The following RAB3D variants were observed in gnomAD, a reference collection of about 807,000 sequenced individuals.
RAB3D encodes RAB3D, member RAS oncogene family.
Under a neutral mutation model 19.3 loss-of-function variants are expected in RAB3D, and 17 were observed. The ratio of observed to expected loss-of-function variants is 0.88; its 90% confidence interval spans 0.60 to 1.32. The LOEUF is 1.32. Among genes scored for constraint, RAB3D ranks in the 40% most tolerant of loss-of-function variants. The probability of loss-of-function intolerance (pLI) is 0.00; values close to 1 mark genes in which losing one functional copy is unlikely to be tolerated. For missense variants in RAB3D, 223 were observed against 299.1 expected (o/e 0.75, Z 1.88); for synonymous variants, 103 against 119.9 (o/e 0.86, Z 0.92).
intron 4 of RAB3D, among the ~76,000 whole-genome samples, chr19:11,325,936 G>A (rs1249333258): frequency 6.6e-6 from 1 of 151,914 alleles, no homozygotes; most frequent in African/African-American, 2.4e-5. Context: ...AAAGTAGATG[G>A]GCGGCCAGGT....
At position 11,325,342 on chromosome 19, in the gene RAB3D, C is replaced by G. The variant is rs1021976766; in HGVS notation, c.*56G>C. 5.7e-6 allele frequency: 7 copies of G among 1,226,192 alleles called. No individual in the cohort carries two copies. The highest frequency in any genetic ancestry group is 7.9e-6 in the Non-Finnish European group (7 of 885,272). The allele number at this position is 1,226,192 out of a possible 1,614,324, so 76.0% of individuals were successfully genotyped here. ...GAGATAACCACTGTGGCTCACGCCT[C>G]GATCACAGTCCCTGCCGAGGCAGGA... is the stretch of plus-strand genomic sequence containing the variant. On this transcript the variant is annotated 3_prime_UTR_variant, in exon 5 of 5. Transcript: ENST00000222120.
rs1389182780 is a variant in RAB3D at position 11,324,313 on chromosome 19, GGGC to G, written c.*1082_*1084del. The G allele has an allele frequency of 6.6e-6, 1 of 151,864 alleles. No individual in the cohort carries two copies. The highest frequency in any genetic ancestry group is 1.5e-5 in the Non-Finnish European group (1 of 68,072). The allele number at this position is 151,864 out of a possible 1,614,324, so 9.4% of individuals were successfully genotyped here. ...CATTAGCAAAAATTGTCACATCCCT[GGGC>G]CCTGCCGATGACAAGGATTGGGAAA... On this transcript the variant is annotated 3_prime_UTR_variant, in exon 5 of 5. Transcript: ENST00000222120.
rs1400016396 is a variant in RAB3D at position 11,325,355 on chromosome 19, T to C, written c.*43A>G. Reference sequence around the variant, plus strand: ...TGGCTCACGCCTCGATCACAGTCCCTGCCGAGGCAGGAGAGGGGTGGGTGG... The same window carrying C: ...TGGCTCACGCCTCGATCACAGTCCCCGCCGAGGCAGGAGAGGGGTGGGTGG... On this transcript the variant is annotated 3_prime_UTR_variant, in exon 5 of 5. Coordinates refer to ENST00000222120, the MANE Select transcript of RAB3D (RefSeq NM_004283.4). 8.7e-7 allele frequency: 1 copy of C among 1,143,882 alleles called. No individual in the cohort carries two copies. The highest frequency in any genetic ancestry group is 1.1e-6 in the Non-Finnish European group (1 of 872,690). The allele number at this position is 1,143,882 out of a possible 1,614,324, so 70.9% of individuals were successfully genotyped here.
intron 4 of RAB3D, 80 bp downstream of exon 4, chr19:11,335,367 G>A: frequency 6.4e-7 from 1 of 1,573,744 alleles, no homozygotes; most frequent in Non-Finnish European, 8.7e-7. Flanking sequence ...TCAGTGACTG[G>A]GTTGGACCCT....
chr19:11,326,754 C>G, intron 4 of RAB3D: 1 of 696,054 alleles, frequency 1.4e-6, no homozygotes, highest in Non-Finnish European at 2.6e-6. Context: ...CAGGTGTGCC[C>G]CACCATGCCC....
At chr19:11,335,315 TG>T in intron 4 of RAB3D, 131 bp downstream of exon 4, 1 of 1,294,772 alleles carries the variant, frequency 7.7e-7, no homozygotes, top group Non-Finnish European at 1.1e-6. Context: ...ACGGGACATG[TG>T]GCATACACAT....
At chr19:11,328,461 A>G (rs113527431) in intron 4 of RAB3D, among the ~76,000 whole-genome samples, 6,308 of 151,910 alleles carry the variant, frequency 0.042, 401 homozygotes, top group African/African-American at 0.14. Context: ...ACCAGGGCCA[A>G]TACGGTGAAA....
chr19:11,334,642 A>AG lies in RAB3D; in HGVS notation c.472+804dup, dbSNP rs1872687730. On this transcript the variant is annotated intron_variant, in intron 4 of 4. Transcript: ENST00000222120. ...TATCTCCACGCAAAATTAAAAAAAA[A>AG]GGCCAGGCATGGTGCCTCACGCTTG... is the stretch of plus-strand genomic sequence containing the variant. Among the ~76,000 whole-genome samples the AG allele has an allele frequency of 2.0e-5, 3 of 151,454 alleles. No individual in the cohort carries two copies. In the South Asian group the frequency reaches 6.3e-4, roughly 32 times the overall value.
chr19:11,329,971 C>T lies in RAB3D; in HGVS notation c.473-4386G>A, dbSNP rs189609551. 3.9e-5 allele frequency among the ~76,000 whole-genome samples: 6 copies of T among 152,218 alleles called. No individual in the cohort carries two copies. The South Asian group carries it at 6.2e-4, about 16-fold the overall frequency. ...TGCTAGGATTACAGGCGTGAGCCAC[C>T]GAACCTGGCCTGTACTCCAATATTT... On this transcript the variant is annotated intron_variant, in intron 4 of 4. Coordinates refer to ENST00000222120, the MANE Select transcript of RAB3D (RefSeq NM_004283.4).
chr19:11,336,883 T>C (rs900648608), intron 2 of RAB3D, among the ~76,000 whole-genome samples: 8 of 151,188 alleles, frequency 5.3e-5, no homozygotes, highest in African/African-American at 1.9e-4. Context: ...GGCAGAAGAA[T>C]TGCTTGAACC....
chr19:11,329,972 G>A (rs767529228), intron 4 of RAB3D, among the ~76,000 whole-genome samples: 6 of 152,068 alleles, frequency 3.9e-5, no homozygotes, highest in Admixed American at 2.6e-4. Context: ...GTGAGCCACC[G>A]AACCTGGCCT....
Position 11,330,168 on chromosome 19 carries a change from C to A in RAB3D, c.473-4583G>T, listed in dbSNP as rs577137930. 2.0e-5 allele frequency among the ~76,000 whole-genome samples: 3 copies of A among 152,274 alleles called. No homozygotes were observed. The South Asian group carries it at 6.2e-4, about 32-fold the overall frequency. ...GGGCCCTGCCCCACAGAACAGAGAT[C>A]CAGTTTCTCCAACAAAGCAATGGCA... On this transcript the variant is annotated intron_variant, in intron 4 of 4. Coordinates refer to ENST00000222120, the MANE Select transcript of RAB3D (RefSeq NM_004283.4).
rs1373588702 is a variant in RAB3D, at chr19:11,325,290, A to G, written c.*108T>C. On this transcript the variant is annotated 3_prime_UTR_variant, in exon 5 of 5. Coordinates refer to ENST00000222120, the MANE Select transcript of RAB3D (RefSeq NM_004283.4). Reference sequence around the variant, plus strand: ...ATGCAGGAGTCGGGGAGCAGTTGACAGGAGGGAAGGGATTGCCCTGAGCTT... The same window carrying G: ...ATGCAGGAGTCGGGGAGCAGTTGACGGGAGGGAAGGGATTGCCCTGAGCTT... 1 of 702,200 alleles carries G rather than the reference A, an allele frequency of 1.4e-6. No homozygotes were observed. Among genetic ancestry groups the G allele is most frequent in the Non-Finnish European group, 2.3e-6 (1 of 428,198 alleles). The allele number at this position is 702,200 out of a possible 1,614,324, so 43.5% of individuals were successfully genotyped here.
chr19:11,325,904 T>A (rs1371430699), intron 4 of RAB3D, among the ~76,000 whole-genome samples: 1 of 151,964 alleles, frequency 6.6e-6, no homozygotes, highest in African/African-American at 2.4e-5. Context: ...CAAGGCCCTA[T>A]CTCTACAATA....
intron 4 of RAB3D, among the ~76,000 whole-genome samples, chr19:11,329,270 G>C (rs994229803): frequency 6.6e-6 from 1 of 152,118 alleles, no homozygotes; most frequent in African/African-American, 2.4e-5. Flanking sequence ...GTTTGTAGGG[G>C]ATGTGTGTGT....
At chr19:11,335,209 T>A (rs1375849205) in intron 4 of RAB3D, among the ~76,000 whole-genome samples, 3 of 152,272 alleles carry the variant, frequency 2.0e-5, no homozygotes, top group African/African-American at 7.2e-5. Flanking sequence ...GGTGAGGATA[T>A]CTCTAGGATC....
In RAB3D at chr19:11,325,241, G is replaced by A. The variant is rs1005324316; in HGVS notation, c.*157C>T. 9 of 587,938 alleles carry A rather than the reference G, an allele frequency of 1.5e-5. No homozygotes were observed. Among genetic ancestry groups the A allele is most frequent in the Middle Eastern group, 4.6e-4 (1 of 2,188 alleles). 36.4% of individuals were successfully genotyped at this position (587,938 alleles called of 1,614,324 possible). A position where few individuals can be genotyped will look rare whatever the true frequency, so the allele number is the denominator to read the frequency against. On this transcript the variant is annotated 3_prime_UTR_variant, in exon 5 of 5. Coordinates refer to ENST00000222120, the MANE Select transcript of RAB3D (RefSeq NM_004283.4). The stretch of plus-strand genomic sequence containing the variant: ...GCTGCCTGAGGAACCTGGCAGCCAC[G>A]GCGACATTGTGAAGGAATGAGCCAT...
chr19:11,337,038 G>A (rs569987304), intron 2 of RAB3D, 134 bp downstream of exon 2: 1 of 703,406 alleles, frequency 1.4e-6, no homozygotes, highest in East Asian at 2.6e-5. Flanking sequence ...AGGTTGCAGT[G>A]AGCCGAGATC....
intron 4 of RAB3D, among the ~76,000 whole-genome samples, chr19:11,328,333 C>CAA (rs71164187): frequency 0.13 from 7,591 of 57,642 alleles, 628 homozygotes; most frequent in African/African-American, 0.25. Context: ...GATATTATCT[C>CAA]AAAAAAAAAA....
Sources: allele counts gnomAD v4.1 joint callset (sites outside exome capture counted in the v4.1 genomes callset), GRCh38; gene constraint gnomAD v4.1.1; transcripts MANE v1.5; gene names NCBI Gene and HGNC (gene_info 2026-07-23, HGNC 2026-07-21).